The following UBE2Z variants were observed in gnomAD, a reference collection of about 807,000 sequenced individuals.
UBE2Z encodes the protein ubiquitin-conjugating enzyme E2 Z.
In UBE2Z, 10 loss-of-function variants were observed where a neutral mutation model predicts 32.6. The ratio of observed to expected loss-of-function variants is 0.31; its 90% CI spans 0.19 to 0.52. The LOEUF (loss-of-function observed/expected upper bound fraction) is 0.52. UBE2Z is among the 20% of genes least tolerant of loss of function. The probability of loss-of-function intolerance (pLI) is 0.97; values close to 1 mark genes in which losing one functional copy is unlikely to be tolerated. For synonymous variants in UBE2Z, 183 were observed against 190.8 expected (o/e 0.96, Z 0.34); for missense variants, 343 against 480.9 (o/e 0.71, Z 2.68).
intron 1 of UBE2Z, chr17:48,910,524 C>T (rs1329795622): frequency 3.0e-6 from 1 of 335,892 alleles, no homozygotes; most frequent in Non-Finnish European, 5.5e-6. Context: ...AGTGGCTTTT[C>T]CAGGCTGACA....
chr17:48,914,751 G>A (rs1465108591), intron 3 of UBE2Z, among the ~76,000 whole-genome samples: 2 of 152,162 alleles, frequency 1.3e-5, no homozygotes, highest in African/African-American at 4.8e-5. Flanking sequence ...TCAGCCGGGT[G>A]CGGTGGCTCA....
At chr17:48,912,566 T>G in intron 2 of UBE2Z, 3 of 434,680 alleles carry the variant, frequency 6.9e-6, no homozygotes, top group South Asian at 7.4e-5. Flanking sequence ...AGAGTGATTT[T>G]GACTAGATTC....
chr17:48,916,398 G>A (rs2040720546), intron 4 of UBE2Z, among the ~76,000 whole-genome samples: 2 of 151,560 alleles, frequency 1.3e-5, no homozygotes, highest in South Asian at 2.1e-4. Context: ...GACTACAGGC[G>A]TGTACCACCA....
chr17:48,908,852 A>G, intron 1 of UBE2Z, 32 bp downstream of exon 1: 1 of 1,441,998 alleles, frequency 6.9e-7, no homozygotes, highest in Non-Finnish European at 9.1e-7. Flanking sequence ...CCCAGCCCCG[A>G]GCTCCGGGGC....
At chr17:48,910,731 C>T (rs2040670688) in intron 1 of UBE2Z, 77 bp from the exon 2 acceptor site, 6 of 1,132,192 alleles carry the variant, frequency 5.3e-6, no homozygotes, top group Non-Finnish European at 6.7e-6. Flanking sequence ...GAGGTGATAA[C>T]AACTGTCCTG....
chr17:48,926,385 C>A (rs964272175), intron 6 of UBE2Z, among the ~76,000 whole-genome samples: 13 of 152,022 alleles, frequency 8.6e-5, no homozygotes, highest in African/African-American at 3.1e-4. Context: ...CCTTATTGTC[C>A]CTTCTTCCGG....
chr17:48,915,229 C>T (rs2040710516), intron 3 of UBE2Z, among the ~76,000 whole-genome samples: 4 of 152,100 alleles, frequency 2.6e-5, no homozygotes. Flanking sequence ...GATAGAGGCA[C>T]TTAAGAGCAG....
intron 4 of UBE2Z, among the ~76,000 whole-genome samples, chr17:48,920,597 C>T (rs9894239): frequency 0.41 from 62,211 of 151,762 alleles, 13,001 homozygotes; most frequent in Admixed American, 0.51. Flanking sequence ...CGCTAGAGCC[C>T]AGGAGTTTGA....
At chr17:48,911,201 C>G (rs2040674532) in intron 2 of UBE2Z, 2 of 316,088 alleles carry the variant, frequency 6.3e-6, no homozygotes, top group Non-Finnish European at 1.2e-5. Context: ...ATATGGTCAC[C>G]CTATCCATTG....
chr17:48,923,468 T>TA (rs906454825), intron 6 of UBE2Z, among the ~76,000 whole-genome samples: 10 of 151,580 alleles, frequency 6.6e-5, no homozygotes, highest in African/African-American at 2.4e-4. Context: ...CCGCCTCTAC[T>TA]AAAAACACAA....
chr17:48,916,676 C>T (rs187702409), intron 4 of UBE2Z, among the ~76,000 whole-genome samples: 11 of 151,934 alleles, frequency 7.2e-5, no homozygotes, highest in South Asian at 2.1e-4. Flanking sequence ...GGAATTGACA[C>T]GTGTTTTTTA....
chr17:48,916,262 T>TTTTTTTG (rs2040719279), intron 4 of UBE2Z, 75 bp downstream of exon 4: 11 of 687,232 alleles, frequency 1.6e-5, no homozygotes, highest in South Asian at 1.5e-4. Context: ...TTTTTTGTTT[T>TTTTTTTG]TTTTTTTTTT....
At chr17:48,922,795 G>A (rs1250368819) in intron 5 of UBE2Z, 52 bp from the exon 6 acceptor site, 7 of 1,483,130 alleles carry the variant, frequency 4.7e-6, no homozygotes, top group Non-Finnish European at 6.5e-6. Context: ...GTAAGGAAGG[G>A]GTGACCTGTA....
intron 4 of UBE2Z, among the ~76,000 whole-genome samples, chr17:48,917,377 T>C (rs2040728234): frequency 6.6e-6 from 1 of 152,180 alleles, no homozygotes; most frequent in Non-Finnish European, 1.5e-5. Flanking sequence ...GATTCCTTTA[T>C]AGCATGGAAG....
rs967229362 is a variant in UBE2Z at position 48,928,046 on chromosome 17, T to G, written c.*912T>G. ...AAGGGTATTTTTCTTGGGGGTGGAG[T>G]AAGGGGGAGACTGATGCTAGTCCTT... On this transcript the variant is annotated 3_prime_UTR_variant, in exon 7 of 7. Coordinates refer to ENST00000360943, the MANE Select transcript of UBE2Z (RefSeq NM_023079.5). 2.0e-5 allele frequency: 3 copies of G among 152,340 alleles called. No individual in the cohort carries two copies. Among genetic ancestry groups the G allele is most frequent in the Non-Finnish European group, 4.4e-5 (3 of 68,362 alleles). The allele number at this position is 152,340 out of a possible 1,614,324, so 9.4% of individuals were successfully genotyped here.
At chr17:48,926,229 C>A (rs899072068) in intron 6 of UBE2Z, among the ~76,000 whole-genome samples, 2 of 151,606 alleles carry the variant, frequency 1.3e-5, no homozygotes, top group Admixed American at 6.6e-5. Flanking sequence ...CTGCTTCTGA[C>A]CTTAGAAAAG....
At chr17:48,919,666 C>T (rs527562569) in intron 4 of UBE2Z, among the ~76,000 whole-genome samples, 27 of 152,224 alleles carry the variant, frequency 1.8e-4, no homozygotes, top group South Asian at 6.2e-4. Context: ...TTTATAGAGA[C>T]GGGATCTCAC....
rs1261508838 is a variant in UBE2Z at position 48,908,543 on chromosome 17, GCCGGGGCGGCGGGCC to G, written c.49_63del (p.Ala17_Ala21del). 8.1e-7 allele frequency: 1 copy of G among 1,236,358 alleles called. No homozygotes were observed. The allele number at this position is 1,236,358 out of a possible 1,614,324, so 76.6% of individuals were successfully genotyped here. ...GACTGAGGAGGCGGCAACGGCGGGC[GCCGGGGCGGCGGGCC>G]CCGGGGCGAGCAGCGTTGCTGGTGT... On this transcript the variant is annotated inframe_deletion, in exon 1 of 7. Transcript: ENST00000360943.
intron 4 of UBE2Z, among the ~76,000 whole-genome samples, chr17:48,919,261 G>A (rs2143769361): frequency 6.6e-6 from 1 of 152,200 alleles, no homozygotes; most frequent in South Asian, 2.1e-4. Context: ...TGGGATTACA[G>A]GTGTGAGCTA....
Sources: gnomAD v4.1 joint callset for allele counts (sites outside exome capture counted in the v4.1 genomes callset) on GRCh38, gnomAD v4.1.1 for gene constraint, MANE v1.5 for transcripts, NCBI Gene and HGNC (gene_info 2026-07-23, HGNC 2026-07-21) for gene names.